The following CNTNAP2 variants were observed in gnomAD, a reference collection of about 807,000 sequenced individuals.
CNTNAP2 encodes contactin-associated protein-like 2.
CNTNAP2 carries 98 observed loss-of-function variants against 155.2 expected under a neutral mutation model. The ratio of observed to expected loss-of-function variants is 0.63; its 90% CI spans 0.54 to 0.75. CNTNAP2 has a LOEUF of 0.75. Among genes scored for constraint, CNTNAP2 ranks in the 30% least tolerant of loss-of-function variants. The pLI is 0.00. For synonymous variants in CNTNAP2, 651 were observed against 631.2 expected, an observed-to-expected ratio of 1.03 and a Z score of -0.47; for missense variants, 1,727 against 1,688.1, an observed-to-expected ratio of 1.02 and a Z score of -0.40.
At chr7:147,574,531 C>A (rs1800352191) in intron 12 of CNTNAP2, among the ~76,000 whole-genome samples, 1 of 152,084 alleles carries the variant, frequency 6.6e-6, no homozygotes, top group African/African-American at 2.4e-5. Flanking sequence ...CACCTCACTG[C>A]AGAGGAAGCT....
chr7:147,587,825 G>T (rs1584834235), intron 12 of CNTNAP2, among the ~76,000 whole-genome samples: 1 of 152,064 alleles, frequency 6.6e-6, no homozygotes, highest in East Asian at 1.9e-4. Flanking sequence ...TATTGTGTGT[G>T]TTTTTTCTTT....
At chr7:146,623,326 A>G (rs1233963200) in intron 1 of CNTNAP2, among the ~76,000 whole-genome samples, 1 of 152,084 alleles carries the variant, frequency 6.6e-6, no homozygotes, top group Non-Finnish European at 1.5e-5. Flanking sequence ...TCTCTTCTGT[A>G]TAGTTCTATG....
intron 15 of CNTNAP2, among the ~76,000 whole-genome samples, chr7:148,062,026 AGAGTGTGT>A (rs1232834245): frequency 9.8e-5 from 13 of 132,054 alleles, no homozygotes; most frequent in African/African-American, 3.5e-4. Flanking sequence ...AGAGAGAGAG[AGAGTGTGT>A]GTGTGTGTGT....
intron 1 of CNTNAP2, among the ~76,000 whole-genome samples, chr7:146,204,713 T>C (rs964524933): frequency 1.8e-4 from 28 of 152,218 alleles, no homozygotes; most frequent in Admixed American, 1.1e-3. Context: ...ACATTTATAA[T>C]TCATATTAAA....
intron 14 of CNTNAP2, 118 bp downstream of exon 14, chr7:147,903,839 G>T (rs1295649391): frequency 1.4e-5 from 18 of 1,301,778 alleles, no homozygotes; most frequent in Non-Finnish European, 1.5e-5. Context: ...GGGTAGAAAG[G>T]TCTGGAACTA....
At chr7:148,104,394 C>T (rs1159592489) in intron 15 of CNTNAP2, among the ~76,000 whole-genome samples, 1 of 152,184 alleles carries the variant, frequency 6.6e-6, no homozygotes, top group Non-Finnish European at 1.5e-5. Context: ...ACATTTTACT[C>T]ACCTGATGGA....
chr7:147,831,283 C>T (rs113109501), intron 13 of CNTNAP2, among the ~76,000 whole-genome samples: 6 of 152,252 alleles, frequency 3.9e-5, no homozygotes, highest in South Asian at 2.1e-4. Flanking sequence ...TCCCCAAGTA[C>T]GCCTGTATTC....
chr7:147,200,310 C>T (rs73156434), intron 8 of CNTNAP2, among the ~76,000 whole-genome samples: 1,823 of 152,276 alleles, frequency 0.012, 17 homozygotes, highest in Non-Finnish European at 0.017. Flanking sequence ...CTAACTCCTG[C>T]AACAGCTCCA....
rs139564751 is a variant in CNTNAP2, at chr7:146,857,914, A to C, written c.402+18010A>C. Among the ~76,000 whole-genome samples the C allele has an allele frequency of 4.4e-3, 676 of 152,156 alleles. 3 individuals carry two copies. Among genetic ancestry groups the C allele is most frequent in the South Asian group, 7.5e-3 (36 of 4,810 alleles). On this transcript the variant is annotated intron_variant, in intron 3 of 23. Coordinates refer to ENST00000361727, the MANE Select transcript of CNTNAP2 (RefSeq NM_014141.6). ...GATTTGTAAGGTGAAGGGGGTGATA[A>C]GAATTTCCTGAAAGTCAATAAAACT...
chr7:146,372,444 G>C (rs1387550142), intron 1 of CNTNAP2, among the ~76,000 whole-genome samples: 1 of 151,652 alleles, frequency 6.6e-6, no homozygotes, highest in Non-Finnish European at 1.5e-5. Context: ...TCTGAGATTT[G>C]TCTACTTTTT....
chr7:146,346,025 C>G (rs373197744), intron 1 of CNTNAP2, among the ~76,000 whole-genome samples: 1 of 152,162 alleles, frequency 6.6e-6, no homozygotes, highest in East Asian at 1.9e-4. Flanking sequence ...GATGAAAGCA[C>G]TGTTCTCACA....
At chr7:147,218,499 T>C (rs1218701511) in intron 8 of CNTNAP2, among the ~76,000 whole-genome samples, 1 of 152,032 alleles carries the variant, frequency 6.6e-6, no homozygotes, top group Non-Finnish European at 1.5e-5. Context: ...ACTTTATCCA[T>C]GTGTTATTTA....
intron 10 of CNTNAP2, among the ~76,000 whole-genome samples, chr7:147,444,752 G>C (rs368557888): frequency 5.1e-4 from 77 of 152,244 alleles, no homozygotes; most frequent in African/African-American, 1.8e-3. Flanking sequence ...AGTGCAGGAG[G>C]AAAGCACAGG....
In CNTNAP2 at chr7:147,002,876, A is replaced by T. The variant is rs1222202584; in HGVS notation, c.403-41031A>T. ...CCACCTCCCAGTATCATTATCTTGC[A>T]GGTTAGGGTTTCAACAAATAAATTT... On this transcript the variant is annotated intron_variant, in intron 3 of 23. Transcript: ENST00000361727. Among the ~76,000 whole-genome samples the T allele has an allele frequency of 6.2e-5, 9 of 145,270 alleles. No individual in the cohort carries two copies. In the South Asian group the frequency reaches 1.1e-3, roughly 19 times the overall value.
rs781070816 is a variant in CNTNAP2 at position 148,217,557 on chromosome 7, A to AG, written c.3247+33_3247+34insG. 42 of 1,596,088 alleles carry AG rather than the reference A, an allele frequency of 2.6e-5. No homozygotes were observed. The East Asian group carries it at 9.2e-4, about 35-fold the overall frequency. ...CAAGGATACCCAGCCTCTGCCATTT[A>AG]ACATTTGGGCAGACAGAATGTTCTA... On this transcript the variant is annotated intron_variant, in intron 19 of 23. Transcript: ENST00000361727.
rs1422454058 is a variant in CNTNAP2, at chr7:146,441,427, C to T, written c.97+324454C>T. Among the ~76,000 whole-genome samples the T allele has an allele frequency of 2.0e-5, 3 of 151,446 alleles. 1 individual carries two copies. Among genetic ancestry groups the T allele is most frequent in the African/African-American group, 4.9e-5 (2 of 40,744 alleles). On this transcript the variant is annotated intron_variant, in intron 1 of 23. Coordinates refer to ENST00000361727, the MANE Select transcript of CNTNAP2 (RefSeq NM_014141.6). ...AAGAACTGTCTCCCTATTTGGTCTT[C>T]GATTACAGATACACATCAACTCTCT...
At chr7:147,801,634 T>A (rs1341979672) in intron 13 of CNTNAP2, among the ~76,000 whole-genome samples, 1 of 151,956 alleles carries the variant, frequency 6.6e-6, no homozygotes, top group Non-Finnish European at 1.5e-5. Context: ...GAGCACAGGG[T>A]TGGGGGTAAG....
chr7:146,151,278 T>C (rs1798033128), intron 1 of CNTNAP2, among the ~76,000 whole-genome samples: 1 of 152,006 alleles, frequency 6.6e-6, no homozygotes, highest in Non-Finnish European at 1.5e-5. Context: ...TACATTATTA[T>C]TAACTCTGGT....
intron 3 of CNTNAP2, among the ~76,000 whole-genome samples, chr7:146,982,941 T>A (rs914500118): frequency 2.0e-4 from 30 of 152,246 alleles, no homozygotes; most frequent in Middle Eastern, 3.4e-3. Flanking sequence ...TTGCCTAAGC[T>A]GCAAAATTGG....
Sources: gnomAD v4.1 joint callset for allele counts (sites outside exome capture counted in the v4.1 genomes callset) on GRCh38, gnomAD v4.1.1 for gene constraint, MANE v1.5 for transcripts, NCBI Gene and HGNC (gene_info 2026-07-23, HGNC 2026-07-21) for gene names.